CABIN1: variants seen among roughly 807,000 people sequenced by gnomAD.
CABIN1 encodes calcineurin-binding protein cabin-1.
CABIN1 carries 133 observed loss-of-function variants against 227.7 expected under a neutral mutation model. The observed-to-expected ratio is 0.58, with a 90% CI of 0.51 to 0.67. CABIN1 has a LOEUF of 0.67. Among genes scored for constraint, CABIN1 ranks in the 30% least tolerant of loss-of-function variants. The pLI, the probability that CABIN1 is intolerant of heterozygous loss-of-function variation, is 0.00. For missense variants in CABIN1, 2,408 were observed against 2,852.5 expected (o/e 0.84, Z 3.55); for synonymous variants, 1,086 against 1,155.1 (o/e 0.94, Z 1.21).
rs142131530 is a variant in CABIN1, at chr22:24,098,271, C to T, written c.4117+79C>T. 9,622 of 1,606,632 alleles carry T rather than the reference C, an allele frequency of 6.0e-3. 502 individuals carry two copies. The Admixed American group carries it at 0.11, about 18-fold the overall frequency. On this transcript the variant is annotated intron_variant, in intron 26 of 36. Coordinates refer to ENST00000263119, the MANE Select transcript of CABIN1 (RefSeq NM_012295.4). The stretch of plus-strand genomic sequence containing the variant: ...GGGGTGCTCGGACGACTCATTTTGT[C>T]GCTTCGTTTTGGTGAGGGGGGGTGC...
chr22:24,083,077 T>C, intron 19 of CABIN1, 151 bp from the exon 20 acceptor site: 1 of 754,094 alleles, frequency 1.3e-6, no homozygotes. Context: ...GAAACAGGTG[T>C]TTTTGGAATC....
At chr22:24,071,661 C>T (rs543167517) in intron 17 of CABIN1, among the ~76,000 whole-genome samples, 36 of 152,306 alleles carry the variant, frequency 2.4e-4, no homozygotes, top group African/African-American at 7.2e-4. Context: ...CTCCTCTGCC[C>T]GCTCCAGCCG....
intron 4 of CABIN1, 92 bp from the exon 5 acceptor site, chr22:24,041,047 C>A: frequency 9.3e-6 from 14 of 1,502,944 alleles, no homozygotes; most frequent in Non-Finnish European, 1.3e-5. Flanking sequence ...CAAGGGCCTG[C>A]AGCAGAGGCC....
At chr22:24,091,546 G>A (rs1337759026) in intron 23 of CABIN1, 37 bp from the exon 24 acceptor site, 1 of 1,613,962 alleles carries the variant, frequency 6.2e-7, no homozygotes, top group Non-Finnish European at 8.5e-7. Flanking sequence ...GGCAGGTTCA[G>A]GCGTAAGGCC....
Position 24,126,606 on chromosome 22 carries a change from A to G in CABIN1, c.4632+6908A>G, listed in dbSNP as rs1238217890. On this transcript the variant is annotated intron_variant, in intron 28 of 36. Transcript: ENST00000263119. ...ATCTGCTGGAAGCTGGTGTGACTAG[A>G]TGGGCAAGGAGGAGAGAGGAAGAAG... Among the ~76,000 whole-genome samples the G allele has an allele frequency of 2.0e-5, 3 of 152,272 alleles. No homozygotes were observed. In the East Asian group the frequency reaches 5.8e-4, roughly 29 times the overall value.
At chr22:24,063,937 T>C in intron 14 of CABIN1, 98 bp from the exon 15 acceptor site, 1 of 1,496,396 alleles carries the variant, frequency 6.7e-7, no homozygotes, top group Non-Finnish European at 9.3e-7. Flanking sequence ...CCCACCCTCA[T>C]GGCCTCCACA....
At chr22:24,115,652 C>T (rs56298537) in intron 27 of CABIN1, among the ~76,000 whole-genome samples, 113 of 152,322 alleles carry the variant, frequency 7.4e-4, no homozygotes, top group Non-Finnish European at 1.4e-3. Context: ...TGGTCTCTAA[C>T]ACGCACTCCC....
chr22:24,137,313 A>C (rs2044483426), intron 29 of CABIN1, among the ~76,000 whole-genome samples: 1 of 152,320 alleles, frequency 6.6e-6, no homozygotes, highest in South Asian at 2.1e-4. Context: ...CGCAGAGCAC[A>C]TCCAAGTTGG....
intron 33 of CABIN1, among the ~76,000 whole-genome samples, chr22:24,170,667 C>T (rs892551660): frequency 1.7e-4 from 26 of 152,036 alleles, no homozygotes; most frequent in African/African-American, 5.8e-4. Flanking sequence ...CACAGGGGCC[C>T]GTCCTGAACC....
At chr22:24,164,654 C>T in intron 30 of CABIN1, 91 bp downstream of exon 30, 5 of 1,406,472 alleles carry the variant, frequency 3.6e-6, no homozygotes, top group Non-Finnish European at 3.9e-6. Context: ...TCTGGCCCAG[C>T]TGTGAGGACC....
Position 24,083,383 on chromosome 22 carries a change from C to T in CABIN1, c.2904C>T (p.Ala968=), listed in dbSNP as rs1278212444. The T allele has an allele frequency of 1.9e-6, 3 of 1,613,750 alleles. No individual in the cohort carries two copies. The highest frequency in any genetic ancestry group is 2.5e-6 in the Non-Finnish European group (3 of 1,180,024). Residue 968 remains alanine (A), a synonymous_variant, in exon 20 of 37, where the codon GCC becomes GCT. Transcript: ENST00000263119. Reference sequence around the variant, plus strand: ...CCAGGTACCTGGAGGAACACTCGGCCCAGCAGGTGAGGGTGCTGCAATAGG... The same window carrying T: ...CCAGGTACCTGGAGGAACACTCGGCTCAGCAGGTGAGGGTGCTGCAATAGG... The part of the protein sequence containing the change: ...SKARYLEEHS[A]QQVDLIWEDA...
In CABIN1 at chr22:24,054,994, CTT is replaced by C. The variant is rs1445236359; in HGVS notation, c.929_930del (p.Leu310ArgfsTer10). 1.2e-6 allele frequency: 2 copies of C among 1,614,236 alleles called. No homozygotes were observed. Among genetic ancestry groups the C allele is most frequent in the Admixed American group, 3.3e-5 (2 of 60,022 alleles). On this transcript the variant is annotated frameshift_variant, in exon 9 of 37. Coordinates refer to ENST00000263119, the MANE Select transcript of CABIN1 (RefSeq NM_012295.4). LOFTEE classifies it high-confidence loss of function. Reference protein sequence around the residue: ...LSDYQDPSQPLESSMVVTPVN... With the variant: ...LSDYQDPSQPXESSMVVTPVN... ...GGACTACCAGGACCCCAGCCAGCCT[CTT>C]GAGTCCTCCATGGTGGTGACGCCAG...
chr22:24,046,901 C>T (rs1452122452), intron 6 of CABIN1, among the ~76,000 whole-genome samples: 1 of 152,056 alleles, frequency 6.6e-6, no homozygotes, highest in African/African-American at 2.4e-5. Flanking sequence ...AGAAAACCCC[C>T]CCCACCGCAA....
At chr22:24,165,508 G>A (rs1157721757) in intron 30 of CABIN1, 22 bp from the exon 31 acceptor site, 1 of 1,606,984 alleles carries the variant, frequency 6.2e-7, no homozygotes, top group East Asian at 2.2e-5. Context: ...TGTCCTCTCT[G>A]ACTACCCCTG....
intron 1 of CABIN1, among the ~76,000 whole-genome samples, chr22:24,026,774 CTTGA>C (rs1231829870): frequency 6.6e-6 from 1 of 152,180 alleles, no homozygotes; most frequent in African/African-American, 2.4e-5. Flanking sequence ...ACTACGCTGC[CTTGA>C]TTATTACAGC....
Position 24,098,062 on chromosome 22 carries a change from A to G in CABIN1, c.3987A>G (p.Thr1329=), listed in dbSNP as rs1167711119. ...VDEDSHSSAG[T]LPGPGASLPS... ...AGGACTCCCACTCTTCAGCTGGGAC[A>G]CTGCCGGGCCCCGGAGCCTCCCTCC... is the stretch of plus-strand genomic sequence containing the variant. Residue 1329 remains threonine (T), a synonymous_variant, in exon 26 of 37, where the codon ACA becomes ACG. Transcript: ENST00000263119. 8 of 1,614,134 alleles carry G rather than the reference A, an allele frequency of 5.0e-6. No homozygotes were observed. The highest frequency in any genetic ancestry group is 6.8e-6 in the Non-Finnish European group (8 of 1,180,002).
In CABIN1 at chr22:24,178,257, G is replaced by A; in HGVS notation, c.*61G>A. On this transcript the variant is annotated 3_prime_UTR_variant, in exon 37 of 37. Transcript: ENST00000263119. ...ACCAGCCAGGCCTGGAATGCCCCCT[G>A]GGCAGGACCCTGGGCAGGACCAGAG... 6.2e-7 allele frequency: 1 copy of A among 1,601,936 alleles called. No homozygotes were observed. Among genetic ancestry groups the A allele is most frequent in the Non-Finnish European group, 8.5e-7 (1 of 1,174,422 alleles).
intron 32 of CABIN1, 30 bp from the exon 33 acceptor site, chr22:24,168,416 GC>G: frequency 6.4e-7 from 1 of 1,554,748 alleles, no homozygotes; most frequent in Non-Finnish European, 8.7e-7. Flanking sequence ...AATGGCCTGC[GC>G]CCCCTGACTT....
chr22:24,139,260 T>C (rs536788458), intron 29 of CABIN1, among the ~76,000 whole-genome samples: 1 of 152,298 alleles, frequency 6.6e-6, no homozygotes, highest in East Asian at 1.9e-4. Context: ...CAAAAACAGA[T>C]GTGTCGTGCG....
Sources: allele counts gnomAD v4.1 joint callset (sites outside exome capture counted in the v4.1 genomes callset), GRCh38; gene constraint gnomAD v4.1.1; transcripts MANE v1.5; gene names NCBI Gene and HGNC (gene_info 2026-07-23, HGNC 2026-07-21).